CSGALNACT1: variants seen among roughly 807,000 people sequenced by gnomAD.
CSGALNACT1 encodes the protein beta4GalNAcT-1.
CSGALNACT1 carries 52 observed loss-of-function variants against 51.0 expected under a neutral mutation model. That is an observed-to-expected ratio of 1.02 (90% confidence interval 0.82 to 1.29). The LOEUF is 1.29. CSGALNACT1 is among the 50% of genes most tolerant of loss of function. The pLI is 0.00. For missense variants in CSGALNACT1, 935 were observed against 679.2 expected, an observed-to-expected ratio of 1.38 and a Z score of -4.19; for synonymous variants, 341 against 254.4, an observed-to-expected ratio of 1.34 and a Z score of -3.24.
At chr8:19,453,122 A>C (rs2063495135) in intron 5 of CSGALNACT1, among the ~76,000 whole-genome samples, 1 of 152,226 alleles carries the variant, frequency 6.6e-6, no homozygotes, top group Admixed American at 6.5e-5. Context: ...TAAAAGAAAA[A>C]GTTAAGAAAT....
chr8:19,606,630 C>G (rs557144865), upstream of CSGALNACT1, among the ~76,000 whole-genome samples: 1 of 152,336 alleles, frequency 6.6e-6, no homozygotes, highest in Admixed American at 6.5e-5. Context: ...CTTAAGACTA[C>G]AGGATGCAGA....
At chr8:19,514,470 A>C (rs2079080042) in intron 3 of CSGALNACT1, among the ~76,000 whole-genome samples, 1 of 79,506 alleles carries the variant, frequency 1.3e-5, no homozygotes, top group Non-Finnish European at 2.4e-5. Flanking sequence ...ACTTTTGAAC[A>C]GAGACTATAT....
chr8:19,555,549 A>C (rs925237897), intron 3 of CSGALNACT1, among the ~76,000 whole-genome samples: 1 of 152,144 alleles, frequency 6.6e-6, no homozygotes, highest in African/African-American at 2.4e-5. Flanking sequence ...ATTCCGATAT[A>C]TTTAGAAAAA....
intron 1 of CSGALNACT1, among the ~76,000 whole-genome samples, chr8:19,681,446 G>A (rs755893366): frequency 1.5e-4 from 23 of 152,084 alleles, no homozygotes; most frequent in South Asian, 1.2e-3. Flanking sequence ...GACTTCTGTC[G>A]CCACCAGCAC....
At chr8:19,542,618 A>G (rs932604942) in intron 3 of CSGALNACT1, among the ~76,000 whole-genome samples, 12 of 152,130 alleles carry the variant, frequency 7.9e-5, no homozygotes, top group African/African-American at 2.9e-4. Flanking sequence ...GAGTTTTAAG[A>G]ATCTGTGTAG....
At chr8:19,701,819 G>C (rs973991830) in intron 1 of CSGALNACT1, among the ~76,000 whole-genome samples, 1 of 152,058 alleles carries the variant, frequency 6.6e-6, no homozygotes, top group African/African-American at 2.4e-5. Flanking sequence ...CACTCAATCT[G>C]GTTCCAGAAT....
At chr8:19,443,497 G>A (rs925249995) in intron 5 of CSGALNACT1, among the ~76,000 whole-genome samples, 6 of 152,132 alleles carry the variant, frequency 3.9e-5, no homozygotes. Context: ...GGATGGGGAG[G>A]TCTCACAATC....
At chr8:19,490,295 G>C (rs1379577664) in intron 4 of CSGALNACT1, among the ~76,000 whole-genome samples, 1 of 152,124 alleles carries the variant, frequency 6.6e-6, no homozygotes, top group African/African-American at 2.4e-5. Flanking sequence ...CAGACTGACT[G>C]CAAAACAGTA....
intron 1 of CSGALNACT1, among the ~76,000 whole-genome samples, chr8:19,645,814 A>T (rs1453253305): frequency 6.6e-6 from 1 of 152,100 alleles, no homozygotes; most frequent in African/African-American, 2.4e-5. Flanking sequence ...CCTGGCCCTG[A>T]CATTACCCAC....
chr8:19,475,056 A>C (rs2069186555), intron 4 of CSGALNACT1, among the ~76,000 whole-genome samples: 1 of 151,978 alleles, frequency 6.6e-6, no homozygotes, highest in African/African-American at 2.4e-5. Context: ...GAAATCCCTA[A>C]CTCTGCTGGG....
intron 1 of CSGALNACT1, among the ~76,000 whole-genome samples, chr8:19,671,442 A>G (rs1222281894): frequency 5.3e-5 from 8 of 152,224 alleles, no homozygotes; most frequent in Non-Finnish European, 7.3e-5. Flanking sequence ...AAAACCCACA[A>G]GTAAAATTTA....
chr8:19,731,037 G>A (rs1299692171), intron 1 of CSGALNACT1, among the ~76,000 whole-genome samples: 1 of 152,148 alleles, frequency 6.6e-6, no homozygotes, highest in Non-Finnish European at 1.5e-5. Flanking sequence ...TGGAATTAGG[G>A]GGTGTGAGGC....
exon 10 of CSGALNACT1, chr8:19,405,216 T>A: frequency 2.2e-6 from 1 of 450,312 alleles, no homozygotes; most frequent in Non-Finnish European, 4.4e-6. Context: ...AGCAGATTAT[T>A]TTTGGTTAAT....
At chr8:19,577,309 TC>T (rs1420789157) in intron 3 of CSGALNACT1, among the ~76,000 whole-genome samples, 3 of 151,016 alleles carry the variant, frequency 2.0e-5, no homozygotes, top group East Asian at 3.9e-4. Context: ...AGGCCTGTAA[TC>T]CCAGCGCTTT....
chr8:19,597,285 CTTTTTTTTTTT>C (rs35177349), intron 2 of CSGALNACT1, among the ~76,000 whole-genome samples: 4 of 64,528 alleles, frequency 6.2e-5, no homozygotes, highest in Admixed American at 5.2e-4. Context: ...TATCTTCTTT[CTTTTTTTTTTT>C]TTTTTTTTTT....
Position 19,633,950 on chromosome 8 carries a change from C to CAACCG in CSGALNACT1, c.-543-32090_-543-32086dup, listed in dbSNP as rs575954382. Among the ~76,000 whole-genome samples, 84 of 152,196 alleles carry CAACCG rather than the reference C, an allele frequency of 5.5e-4. 5 individuals are homozygous for CAACCG. In the South Asian group the frequency reaches 0.017, roughly 31 times the overall value. ...CTCCCCAGGGACCAGACTTCTTTCCCAACCGAGGGTTCGTGCCTTCCTACT... is the reference window on the plus strand; with the variant it reads ...CTCCCCAGGGACCAGACTTCTTTCCCAACCGAACCGAGGGTTCGTGCCTTCCTACT... On this transcript the variant is annotated intron_variant, in intron 1 of 9. Transcript: ENST00000332246.
At chr8:19,468,067 C>G (rs973426472) in intron 4 of CSGALNACT1, among the ~76,000 whole-genome samples, 5 of 152,168 alleles carry the variant, frequency 3.3e-5, no homozygotes, top group Non-Finnish European at 5.9e-5. Context: ...GACAGGTAAA[C>G]AGAACAGGAC....
intron 3 of CSGALNACT1, among the ~76,000 whole-genome samples, chr8:19,571,656 T>A (rs1203025954): frequency 6.6e-6 from 1 of 152,156 alleles, no homozygotes; most frequent in Admixed American, 6.5e-5. Context: ...TGAAAAAAAT[T>A]ATATTGGAAA....
intron 1 of CSGALNACT1, among the ~76,000 whole-genome samples, chr8:19,636,626 C>A (rs745623642): frequency 6.6e-6 from 1 of 152,150 alleles, no homozygotes; most frequent in Non-Finnish European, 1.5e-5. Flanking sequence ...TTTCCAAAAT[C>A]GATGTTCACA....
Sources: gnomAD v4.1 joint callset for allele counts (sites outside exome capture counted in the v4.1 genomes callset) on GRCh38, gnomAD v4.1.1 for gene constraint, MANE v1.5 for transcripts, NCBI Gene and HGNC (gene_info 2026-07-23, HGNC 2026-07-21) for gene names.